SH3PXD2A: variants seen among roughly 807,000 people sequenced by gnomAD.
SH3PXD2A encodes SH3 and PX domains 2A.
In SH3PXD2A, 32 loss-of-function variants were observed where a neutral mutation model predicts 115.2. The observed-to-expected ratio is 0.28, with a 90% CI of 0.21 to 0.37. The LOEUF (loss-of-function observed/expected upper bound fraction) is 0.37, where lower values mean the gene tolerates loss of function less well. Among genes scored for constraint, SH3PXD2A ranks in the 10% least tolerant of loss-of-function variants. The probability of loss-of-function intolerance (pLI) is 1.00; values close to 1 mark genes in which losing one functional copy is unlikely to be tolerated. For synonymous variants in SH3PXD2A, 610 were observed against 629.1 expected (o/e 0.97, Z 0.45); for missense variants, 1,328 against 1,498.7 (o/e 0.89, Z 1.88).
At chr10:103,607,395 G>A (rs1396517754) in intron 13 of SH3PXD2A, among the ~76,000 whole-genome samples, 112 of 151,976 alleles carry the variant, frequency 7.4e-4, no homozygotes, top group African/African-American at 2.4e-3. Context: ...CCCCGTCCGG[G>A]AGGGAGGTGG....
chr10:103,655,230 A>G (rs1222346536), intron 8 of SH3PXD2A, among the ~76,000 whole-genome samples: 1 of 152,212 alleles, frequency 6.6e-6, no homozygotes, highest in Non-Finnish European at 1.5e-5. Flanking sequence ...CACCACATCT[A>G]AATGGAGTCT....
At chr10:103,790,591 G>A (rs1309936898) in intron 2 of SH3PXD2A, among the ~76,000 whole-genome samples, 1 of 152,126 alleles carries the variant, frequency 6.6e-6, no homozygotes, top group African/African-American at 2.4e-5. Flanking sequence ...TCATTTCCTT[G>A]TCTGTCAAAT....
intron 1 of SH3PXD2A, among the ~76,000 whole-genome samples, chr10:103,841,569 C>A (rs1681007821): frequency 6.6e-6 from 1 of 152,140 alleles, no homozygotes; most frequent in South Asian, 2.1e-4. Flanking sequence ...GGCCTCACTG[C>A]TGAGCAGAGC....
At chr10:103,735,183 G>C (rs1023718868) in intron 4 of SH3PXD2A, among the ~76,000 whole-genome samples, 2 of 152,258 alleles carry the variant, frequency 1.3e-5, no homozygotes, top group Admixed American at 1.3e-4. Flanking sequence ...TGACACTGCT[G>C]TCCTTCTCCT....
chr10:103,783,314 T>G (rs2038950097), intron 2 of SH3PXD2A, among the ~76,000 whole-genome samples: 1 of 152,190 alleles, frequency 6.6e-6, no homozygotes. Flanking sequence ...GACTGGATTA[T>G]GGAGGAGGTG....
At chr10:103,695,205 G>T (rs1185357501) in intron 5 of SH3PXD2A, among the ~76,000 whole-genome samples, 4 of 152,168 alleles carry the variant, frequency 2.6e-5, no homozygotes, top group Non-Finnish European at 5.9e-5. Context: ...CCCCCTGGCT[G>T]CCAGTAGCCC....
At chr10:103,633,727 C>CAAAA (rs35917262) in intron 8 of SH3PXD2A, among the ~76,000 whole-genome samples, 11 of 74,356 alleles carry the variant, frequency 1.5e-4, no homozygotes, top group African/African-American at 4.7e-4. Context: ...GATTCTGTCT[C>CAAAA]AAAAAAAAAA....
chr10:103,726,358 C>T (rs1237386538), intron 4 of SH3PXD2A, among the ~76,000 whole-genome samples: 2 of 152,148 alleles, frequency 1.3e-5, no homozygotes, highest in Non-Finnish European at 2.9e-5. Context: ...TCATGAGGGT[C>T]GTCCTCATGA....
rs185809835 is a variant in SH3PXD2A, at chr10:103,810,714, C to T, written c.73-9352G>A. Among the ~76,000 whole-genome samples the T allele has an allele frequency of 3.0e-4, 45 of 152,224 alleles. 1 individual carries two copies. The highest frequency in any genetic ancestry group is 3.4e-3 in the Middle Eastern group (1 of 294). ...GCCCAATGAATGTGGGCTATTTAGA[C>T]ACTCAGGAAGTGAACTGACTTCTTC... On this transcript the variant is annotated intron_variant, in intron 1 of 14. Coordinates refer to ENST00000369774, the MANE Select transcript of SH3PXD2A (RefSeq NM_001394015.1).
At chr10:103,633,410 T>G (rs1014294517) in intron 8 of SH3PXD2A, among the ~76,000 whole-genome samples, 3 of 151,708 alleles carry the variant, frequency 2.0e-5, no homozygotes, top group African/African-American at 7.3e-5. Context: ...AGTGAGACTC[T>G]GTCTGAAAAA....
At chr10:103,664,590 G>C (rs922873052) in intron 7 of SH3PXD2A, among the ~76,000 whole-genome samples, 1 of 152,130 alleles carries the variant, frequency 6.6e-6, no homozygotes, top group Admixed American at 6.5e-5. Context: ...CTGGTCCCTA[G>C]GGAAGGGCCC....
chr10:103,604,696 C>T (rs2036273894), intron 14 of SH3PXD2A, among the ~76,000 whole-genome samples: 1 of 152,130 alleles, frequency 6.6e-6, no homozygotes, highest in Non-Finnish European at 1.5e-5. Context: ...CCTCTGCATC[C>T]CCCACTAGAA....
rs755156880 is a variant in SH3PXD2A at position 103,620,374 on chromosome 10, G to A, written c.802+2096C>T. Among the ~76,000 whole-genome samples the A allele has an allele frequency of 3.3e-5, 5 of 152,128 alleles. No individual in the cohort carries two copies. In the South Asian group the frequency reaches 8.3e-4, roughly 25 times the overall value. On this transcript the variant is annotated intron_variant, in intron 10 of 14. Transcript: ENST00000369774. This position sits in a 1 kb window ranked among gnomAD's most constrained non-coding sequence, Gnocchi z 5.3. ...TTTGGAGGCAGGGGCTGGATGTCCTGTAGTTTCCAAACCACAGAAGCCTCC... is the reference window on the plus strand; with the variant it reads ...TTTGGAGGCAGGGGCTGGATGTCCTATAGTTTCCAAACCACAGAAGCCTCC...
At chr10:103,646,767 T>A (rs1424654681) in intron 8 of SH3PXD2A, among the ~76,000 whole-genome samples, 1 of 152,240 alleles carries the variant, frequency 6.6e-6, no homozygotes, top group Non-Finnish European at 1.5e-5. Context: ...GTGAATTGAA[T>A]GAACAAATGT....
At chr10:103,693,668 G>C (rs188009506) in intron 5 of SH3PXD2A, 103 of 152,454 alleles carry the variant, frequency 6.8e-4, no homozygotes, top group African/African-American at 2.3e-3. Flanking sequence ...CCCGAGACTC[G>C]CTGGGGGCCA....
intron 7 of SH3PXD2A, chr10:103,661,543 C>G (rs2037303387): frequency 1.7e-6 from 1 of 602,590 alleles, no homozygotes; most frequent in Non-Finnish European, 2.1e-6. Flanking sequence ...GGGAGGGCGG[C>G]GAGCCAGCGG....
intron 1 of SH3PXD2A, among the ~76,000 whole-genome samples, chr10:103,828,501 A>G (rs1404708968): frequency 6.6e-6 from 1 of 152,212 alleles, no homozygotes; most frequent in Admixed American, 6.5e-5. Flanking sequence ...GTCTCCTTCC[A>G]TGAAAGTCAG....
At chr10:103,825,807 A>G (rs1198282815) in intron 1 of SH3PXD2A, among the ~76,000 whole-genome samples, 3 of 131,422 alleles carry the variant, frequency 2.3e-5, no homozygotes, top group African/African-American at 8.8e-5. Flanking sequence ...TCTGTCACCC[A>G]GGCTGGGGTG....
At chr10:103,782,097 A>G (rs1214226513) in intron 2 of SH3PXD2A, among the ~76,000 whole-genome samples, 1 of 152,214 alleles carries the variant, frequency 6.6e-6, no homozygotes, top group African/African-American at 2.4e-5. Flanking sequence ...ACGAAGGGCT[A>G]TGACCTAACA....
Sources: allele counts gnomAD v4.1 joint callset (sites outside exome capture counted in the v4.1 genomes callset), GRCh38; gene constraint gnomAD v4.1.1; non-coding constraint Gnocchi (gnomAD v3.1); transcripts MANE v1.5; gene names NCBI Gene and HGNC (gene_info 2026-07-23, HGNC 2026-07-21).